LYRM4: variants seen among roughly 807,000 people sequenced by gnomAD.
LYRM4 encodes LYR motif containing 4, also known as LYR motif-containing protein 4.
Under a neutral mutation model 11.7 loss-of-function variants are expected in LYRM4, and 9 were observed. The observed-to-expected ratio is 0.77, with a 90% confidence interval of 0.46 to 1.34. LYRM4 has a LOEUF of 1.34. Ranked by LOEUF, LYRM4 falls within the 40% of genes most tolerant of loss-of-function variation. The probability of loss-of-function intolerance (pLI) is 0.00; values close to 1 mark genes in which losing one functional copy is unlikely to be tolerated. For synonymous variants in LYRM4, 42 were observed against 40.4 expected, an observed-to-expected ratio of 1.04 and a Z score of -0.15; for missense variants, 133 against 112.5, an observed-to-expected ratio of 1.18 and a Z score of -0.82.
intron 2 of LYRM4, among the ~76,000 whole-genome samples, chr6:5,161,659 G>T (rs996251494): frequency 5.3e-5 from 8 of 152,270 alleles, no homozygotes; most frequent in African/African-American, 1.9e-4. Context: ...ATTCACAATA[G>T]CATTTAAGAA....
chr6:5,098,593 A>G, the LYRM4 span, among the ~76,000 whole-genome samples: 1 of 152,240 alleles, frequency 6.6e-6, no homozygotes, highest in South Asian at 2.1e-4. Context: ...GACACGCACA[A>G]GAATATTGAC....
At chr6:5,082,918 C>T in the LYRM4 span, among the ~76,000 whole-genome samples, 1 of 69,128 alleles carries the variant, frequency 1.4e-5, no homozygotes, top group Admixed American at 1.6e-4. Context: ...GCAGTCCGAG[C>T]TGTTCCTTCC....
the LYRM4 span, among the ~76,000 whole-genome samples, chr6:5,061,624 T>C: frequency 6.6e-6 from 1 of 152,204 alleles, no homozygotes; most frequent in Non-Finnish European, 1.5e-5. Flanking sequence ...TCTAACTACC[T>C]GCATGGTGCA....
intron 1 of LYRM4, among the ~76,000 whole-genome samples, chr6:5,244,837 T>C (rs2145372): frequency 0.32 from 48,217 of 150,972 alleles, 10,536 homozygotes; most frequent in African/African-American, 0.63. Context: ...TCAGGATGAG[T>C]GTGGAGCTTT....
chr6:5,085,222 T>G, the LYRM4 span: 1 of 431,614 alleles, frequency 2.3e-6, no homozygotes, highest in Non-Finnish European at 4.1e-6. Flanking sequence ...CCCTCCCCCG[T>G]CGCGGGCAGG....
chr6:5,073,384 T>A, the LYRM4 span, among the ~76,000 whole-genome samples: 3 of 151,182 alleles, frequency 2.0e-5, no homozygotes, highest in African/African-American at 2.4e-5. Context: ...TATATATTTT[T>A]TATATATATT....
the LYRM4 span, among the ~76,000 whole-genome samples, chr6:5,063,015 G>A: frequency 3.9e-5 from 6 of 152,010 alleles, no homozygotes; most frequent in Non-Finnish European, 4.4e-5. Context: ...ATCCATTATC[G>A]AACCACTGGG....
intron 1 of LYRM4, among the ~76,000 whole-genome samples, chr6:5,256,798 A>G (rs1287739268): frequency 6.6e-6 from 1 of 152,150 alleles, no homozygotes; most frequent in Non-Finnish European, 1.5e-5. Flanking sequence ...TCTCTCCACA[A>G]GACCAGCTAG....
Position 5,115,753 on chromosome 6 carries a change from T to A in LYRM4, c.208-6262A>T, listed in dbSNP as rs9392655. On this transcript the variant is annotated intron_variant, in intron 2 of 2. Transcript: ENST00000330636. Reference sequence around the variant, plus strand: ...CTTTGACAGAAGTTTGAATTAAATTTAAAAAAAACCCATTCCAGTATGACA... The same window carrying A: ...CTTTGACAGAAGTTTGAATTAAATTAAAAAAAAACCCATTCCAGTATGACA... 1.3e-3 allele frequency among the ~76,000 whole-genome samples: 198 copies of A among 151,976 alleles called. 3 individuals carry two copies. The East Asian group carries it at 0.034, about 26-fold the overall frequency.
chr6:5,138,184 A>C (rs1172376189), intron 2 of LYRM4, among the ~76,000 whole-genome samples: 1 of 152,172 alleles, frequency 6.6e-6, no homozygotes, highest in Non-Finnish European at 1.5e-5. Context: ...AAGATTTTAT[A>C]TATAGAAGAT....
intron 2 of LYRM4, among the ~76,000 whole-genome samples, chr6:5,197,572 G>T (rs1761138292): frequency 6.6e-6 from 1 of 152,088 alleles, no homozygotes; most frequent in South Asian, 2.1e-4. Context: ...CTACTCCGGA[G>T]GCTGAGGCAG....
At chr6:5,181,505 C>T (rs1429799992) in intron 2 of LYRM4, among the ~76,000 whole-genome samples, 11 of 152,182 alleles carry the variant, frequency 7.2e-5, no homozygotes, top group Non-Finnish European at 1.0e-4. Flanking sequence ...CAAGACCCCA[C>T]GCGGGCCCAT....
At chr6:5,203,087 CCTT>C (rs1397015611) in intron 2 of LYRM4, among the ~76,000 whole-genome samples, 4 of 152,184 alleles carry the variant, frequency 2.6e-5, no homozygotes, top group East Asian at 1.9e-4. Flanking sequence ...TGAAATCTGT[CCTT>C]CATCTGTCAT....
chr6:5,120,698 G>A (rs923632897), intron 2 of LYRM4, among the ~76,000 whole-genome samples: 4 of 152,090 alleles, frequency 2.6e-5, no homozygotes, highest in African/African-American at 9.7e-5. Flanking sequence ...TTTACAGGGT[G>A]CTGATTGGTC....
chr6:5,167,803 T>A (rs574842921), intron 2 of LYRM4, among the ~76,000 whole-genome samples: 2 of 152,264 alleles, frequency 1.3e-5, no homozygotes, highest in Admixed American at 6.5e-5. Context: ...CATTTTTTTT[T>A]AAGCTATGAA....
chr6:5,085,799 A>C, the LYRM4 span: 1 of 1,528,196 alleles, frequency 6.5e-7, no homozygotes, highest in Non-Finnish European at 8.8e-7. Flanking sequence ...CAGCAGCAAC[A>C]GGCGGTGGCA....
chr6:5,185,806 C>A (rs72811694), intron 2 of LYRM4, among the ~76,000 whole-genome samples: 1 of 151,950 alleles, frequency 6.6e-6, no homozygotes, highest in Non-Finnish European at 1.5e-5. Flanking sequence ...TGTGTCATGG[C>A]GGTGGATGTG....
the LYRM4 span, among the ~76,000 whole-genome samples, chr6:5,071,714 T>C: frequency 6.6e-6 from 1 of 152,142 alleles, no homozygotes; most frequent in Non-Finnish European, 1.5e-5. Context: ...CTCAGCTCAC[T>C]GCAGCCTCTG....
chr6:5,136,943 G>A (rs987981861), intron 2 of LYRM4: 3 of 621,568 alleles, frequency 4.8e-6, no homozygotes, highest in East Asian at 1.4e-4. Context: ...ATCAATTTTA[G>A]AGCATTTTCA....
Sources: gnomAD v4.1 joint callset for allele counts (sites outside exome capture counted in the v4.1 genomes callset) on GRCh38, gnomAD v4.1.1 for gene constraint, MANE v1.5 for transcripts, NCBI Gene and HGNC (gene_info 2026-07-23, HGNC 2026-07-21) for gene names.